The following C2orf42 variants were observed in gnomAD, a reference collection of about 807,000 sequenced individuals.
C2orf42 encodes the protein uncharacterized protein C2orf42.
A neutral mutation model predicts 58.9 loss-of-function variants in C2orf42; 44 were observed. The observed-to-expected ratio is 0.75, with a 90% confidence interval of 0.59 to 0.96. The LOEUF is 0.96. C2orf42 is among the 40% of genes least tolerant of loss of function. The pLI is 0.00. For missense variants in C2orf42, 630 were observed against 699.2 expected (o/e 0.90, Z 1.12); for synonymous variants, 239 against 265.4 (o/e 0.90, Z 0.97).
rs1185335540 is a variant in C2orf42, at chr2:70,181,263, T to C, written c.723A>G (p.Thr241=). The C allele has an allele frequency of 1.1e-5, 17 of 1,612,870 alleles. No individual in the cohort carries two copies. The highest frequency in any genetic ancestry group is 1.4e-5 in the Non-Finnish European group (17 of 1,179,026). ...CAAAGAAATGAATGCATCTCTGGGCTGTCTCATCCTTGGAGGCATTTGACT... is the reference window on the plus strand; with the variant it reads ...CAAAGAAATGAATGCATCTCTGGGCCGTCTCATCCTTGGAGGCATTTGACT... ...SHKSNASKDE[T]AQRCIHFFAC... Residue 241 remains threonine (T), a synonymous_variant, in exon 3 of 10, where the codon ACA becomes ACG. Coordinates refer to ENST00000264434, the MANE Select transcript of C2orf42 (RefSeq NM_017880.3).
At chr2:70,155,108 A>G (rs953121015) in intron 9 of C2orf42, among the ~76,000 whole-genome samples, 1 of 152,110 alleles carries the variant, frequency 6.6e-6, no homozygotes, top group African/African-American at 2.4e-5. Flanking sequence ...GCTGGGCATG[A>G]TGGCACAGGC....
intron 8 of C2orf42, 136 bp downstream of exon 8, chr2:70,164,956 T>C: frequency 2.2e-6 from 1 of 462,060 alleles, no homozygotes; most frequent in Non-Finnish European, 3.9e-6. Flanking sequence ...CCAGGGATAT[T>C]TCTGAATATC....
intron 9 of C2orf42, 59 bp downstream of exon 9, chr2:70,160,566 G>A: frequency 1.7e-6 from 2 of 1,196,712 alleles, no homozygotes; most frequent in South Asian, 1.4e-5. Context: ...TTTGGACAGT[G>A]TACTGTACTG....
intron 1 of C2orf42, among the ~76,000 whole-genome samples, chr2:70,183,153 A>G (rs987455092): frequency 1.3e-5 from 2 of 152,182 alleles, no homozygotes; most frequent in African/African-American, 4.8e-5. Flanking sequence ...AGAACACTTT[A>G]GAGGTCTGGC....
Position 70,150,236 on chromosome 2 carries a change from T to A in C2orf42, c.*120A>T. ...CACTTGAAAGCACTGAGAATTTGCATCTTAGCTAAGAGCAGTTTACCAAGG... is the reference window on the plus strand; with the variant it reads ...CACTTGAAAGCACTGAGAATTTGCAACTTAGCTAAGAGCAGTTTACCAAGG... On this transcript the variant is annotated 3_prime_UTR_variant, in exon 10 of 10. Transcript: ENST00000264434. The A allele has an allele frequency of 2.6e-6, 2 of 775,640 alleles. No homozygotes were observed. Among genetic ancestry groups the A allele is most frequent in the Non-Finnish European group, 4.3e-6 (2 of 469,772 alleles). 48.0% of individuals were successfully genotyped at this position (775,640 alleles called of 1,614,324 possible).
chr2:70,154,073 A>AAAC lies in C2orf42; in HGVS notation c.1517-3510_1517-3509insGTT, dbSNP rs70956944. Among the ~76,000 whole-genome samples, 123 of 56,072 alleles carry AAAC rather than the reference A, an allele frequency of 2.2e-3. No individual in the cohort carries two copies. The African/African-American group carries it at 0.024, about 11-fold the overall frequency. 36.8% of individuals were successfully genotyped at this position (56,072 alleles called of 152,430 possible). A position where few individuals can be genotyped will look rare whatever the true frequency, so the allele number is the denominator to read the frequency against. On this transcript the variant is annotated intron_variant, in intron 9 of 9. Coordinates refer to ENST00000264434, the MANE Select transcript of C2orf42 (RefSeq NM_017880.3). ...GTCTCAAAAAAACAAACAAACAAAC[A>AAAC]AAAAAAAAAACACAGAAATTTCAGG...
At chr2:70,152,059 G>A (rs1046921335) in intron 9 of C2orf42, among the ~76,000 whole-genome samples, 1 of 152,150 alleles carries the variant, frequency 6.6e-6, no homozygotes, top group Non-Finnish European at 1.5e-5. Flanking sequence ...TTACAGGCGT[G>A]AGCCACTGCG....
chr2:70,169,066 C>T (rs1450272121), intron 6 of C2orf42, among the ~76,000 whole-genome samples: 5 of 151,332 alleles, frequency 3.3e-5, no homozygotes, highest in Admixed American at 3.3e-4. Context: ...TTTAGATTTT[C>T]AATTTTTCTT....
In C2orf42 at chr2:70,157,868, T is replaced by C. The variant is rs569130684; in HGVS notation, c.1516+2757A>G. Among the ~76,000 whole-genome samples, 5 of 152,128 alleles carry C rather than the reference T, an allele frequency of 3.3e-5. No homozygotes were observed. In the South Asian group the frequency reaches 8.3e-4, roughly 25 times the overall value. On this transcript the variant is annotated intron_variant, in intron 9 of 9. Coordinates refer to ENST00000264434, the MANE Select transcript of C2orf42 (RefSeq NM_017880.3). ...TCTATGCTAGCACAAATTCATATCA[T>C]ATATTGTTAGTGAAAAAACATTTTA...
In C2orf42 at chr2:70,181,908, T is replaced by C. The variant is rs1405898645; in HGVS notation, c.78A>G (p.Arg26=). ...DLGKATLRGI[R]KCPRCGTYNG... is the part of the protein sequence containing the mutation. ...TGTATGTGCCACATCGGGGACACTT[T>C]CTGATTCCCCTCAATGTGGCCTTCC... The change falls in exon 3 of 10, where the codon AGA becomes AGG. Residue 26 remains arginine, a synonymous_variant. Coordinates refer to ENST00000264434, the MANE Select transcript of C2orf42 (RefSeq NM_017880.3). 1 of 1,613,702 alleles carries C rather than the reference T, an allele frequency of 6.2e-7. No homozygotes were observed. The highest frequency in any genetic ancestry group is 8.5e-7 in the Non-Finnish European group (1 of 1,179,628).
chr2:70,179,504 C>A (rs1390888615), intron 4 of C2orf42, 28 bp downstream of exon 4: 2 of 890,486 alleles, frequency 2.2e-6, no homozygotes, highest in Admixed American at 3.7e-5. Context: ...AAAGACAATA[C>A]CACCAAACCA....
In C2orf42 at chr2:70,181,882, T is replaced by C. The variant is rs572422937; in HGVS notation, c.104A>G (p.Asn35Ser). The C allele has an allele frequency of 3.7e-6, 6 of 1,613,900 alleles. No individual in the cohort carries two copies. The highest frequency in any genetic ancestry group is 1.3e-5 in the African/African-American group (1 of 75,032). The change falls in exon 3 of 10, where the codon AAT becomes AGT. Residue 35 changes from asparagine (N) to serine (S), a missense_variant. Transcript: ENST00000264434. ...CTTACAGCTCAGTCCCCGGGTTCCA[T>C]TGTATGTGCCACATCGGGGACACTT... ...IRKCPRCGTY[N>S]GTRGLSCKNK...
intron 5 of C2orf42, 83 bp from the exon 6 acceptor site, chr2:70,169,744 TAAC>T: frequency 1.4e-6 from 1 of 712,382 alleles, no homozygotes; most frequent in Non-Finnish European, 2.5e-6. Flanking sequence ...TTGAAAAAGT[TAAC>T]AAGTTTTTTT....
intron 6 of C2orf42, among the ~76,000 whole-genome samples, chr2:70,168,142 G>C (rs1317470485): frequency 6.6e-6 from 1 of 151,670 alleles, no homozygotes; most frequent in Non-Finnish European, 1.5e-5. Flanking sequence ...GCTGAGGCAG[G>C]AGAATTGCTT....
At chr2:70,188,648 T>C (rs914666628) in intron 1 of C2orf42, among the ~76,000 whole-genome samples, 1 of 152,186 alleles carries the variant, frequency 6.6e-6, no homozygotes, top group Non-Finnish European at 1.5e-5. Flanking sequence ...GGGACCAACA[T>C]TGCCACATTA....
At chr2:70,164,142 T>C (rs954734804) in intron 8 of C2orf42, among the ~76,000 whole-genome samples, 1 of 151,350 alleles carries the variant, frequency 6.6e-6, no homozygotes, top group African/African-American at 2.4e-5. Context: ...GGAAACCCCA[T>C]CTCTACAAAA....
intron 9 of C2orf42, among the ~76,000 whole-genome samples, chr2:70,157,314 C>A (rs1322887613): frequency 6.6e-6 from 1 of 151,720 alleles, no homozygotes; most frequent in Non-Finnish European, 1.5e-5. Context: ...ATTAGCCGGG[C>A]GAGGTGGCGG....
At chr2:70,175,546 G>A in intron 5 of C2orf42, 127 bp downstream of exon 5, 1 of 716,046 alleles carries the variant, frequency 1.4e-6, no homozygotes, top group Non-Finnish European at 2.6e-6. Context: ...AGGGACCTCA[G>A]CCTCAGTGCT....
At chr2:70,161,352 G>C (rs1673038447) in intron 8 of C2orf42, among the ~76,000 whole-genome samples, 1 of 152,184 alleles carries the variant, frequency 6.6e-6, no homozygotes, top group Non-Finnish European at 1.5e-5. Context: ...AGTAATGCCT[G>C]ACAGTGAGAA....
Sources: allele counts gnomAD v4.1 joint callset (sites outside exome capture counted in the v4.1 genomes callset), GRCh38; gene constraint gnomAD v4.1.1; transcripts MANE v1.5; gene names NCBI Gene and HGNC (gene_info 2026-07-23, HGNC 2026-07-21).